Variants in TNRC6B observed in about 807,000 individuals in gnomAD.
TNRC6B encodes the protein trinucleotide repeat-containing gene 6B protein.
A neutral mutation model predicts 203.6 loss-of-function variants in TNRC6B; 52 were observed. The observed-to-expected ratio is 0.26, with a 90% confidence interval of 0.20 to 0.32. The LOEUF is 0.32. Among genes scored for constraint, TNRC6B ranks in the 10% least tolerant of loss-of-function variants. The pLI is 1.00. For missense variants in TNRC6B, 1,923 were observed against 2,286.2 expected, an observed-to-expected ratio of 0.84 and a Z score of 3.24; for synonymous variants, 838 against 845.7, an observed-to-expected ratio of 0.99 and a Z score of 0.16.
intron 4 of TNRC6B, among the ~76,000 whole-genome samples, chr22:40,157,063 T>A (rs1355656059): frequency 6.6e-6 from 1 of 151,982 alleles, no homozygotes; most frequent in Non-Finnish European, 1.5e-5. Context: ...GTGTGAGGCA[T>A]CGTGCCCAGC....
At chr22:40,144,869 A>C (rs750355850) in intron 3 of TNRC6B, among the ~76,000 whole-genome samples, 9 of 152,038 alleles carry the variant, frequency 5.9e-5, no homozygotes, top group Non-Finnish European at 1.0e-4. Flanking sequence ...GGCATGTAGA[A>C]GTTTTCTGGG....
intron 3 of TNRC6B, among the ~76,000 whole-genome samples, chr22:40,251,863 A>G (rs942547622): frequency 6.6e-6 from 1 of 152,244 alleles, no homozygotes. Context: ...GACCCATGGC[A>G]TGCATTGAGT....
Position 40,281,229 on chromosome 22 carries a change from C to T in TNRC6B, c.3522C>T (p.Pro1174=). Residue 1174 remains proline (P), a synonymous_variant, in exon 11 of 23, where the codon CCC becomes CCT. Coordinates refer to ENST00000454349, the MANE Select transcript of TNRC6B (RefSeq NM_001162501.2). ...TGTCTCCCTCTGGTTCCACACTACCCAACGTCAGCCTTGGAGCAATCGGCA... is the reference window on the plus strand; with the variant it reads ...TGTCTCCCTCTGGTTCCACACTACCTAACGTCAGCCTTGGAGCAATCGGCA... ...YKLSPSGSTL[P]NVSLGAIGTG... 6.4e-7 allele frequency: 1 copy of T among 1,551,578 alleles called. No homozygotes were observed.
rs2146560154 is a variant in TNRC6B, at chr22:40,308,590, C to G, written c.4199C>G (p.Thr1400Ser). ...ACCGAGTCTCGCTTTAAACAGTGGACCTCCATGATGGAGGGGCTGCCCTCT... is the reference window on the plus strand; with the variant it reads ...ACCGAGTCTCGCTTTAAACAGTGGAGCTCCATGATGGAGGGGCTGCCCTCT... Reference protein sequence around the residue: ...AGTESRFKQWTSMMEGLPSVA... With the variant: ...AGTESRFKQWSSMMEGLPSVA... The change falls in exon 16 of 23, where the codon ACC becomes AGC. Residue 1400 changes from threonine to serine, a missense_variant. Thr to Ser is a moderately conservative substitution (Grantham distance 58). Transcript: ENST00000454349. The G allele has an allele frequency of 6.2e-7, 1 of 1,613,986 alleles. No individual in the cohort carries two copies. Among genetic ancestry groups the G allele is most frequent in the East Asian group, 2.2e-5 (1 of 44,890 alleles).
At chr22:40,146,083 T>A (rs1193424799) in intron 3 of TNRC6B, among the ~76,000 whole-genome samples, 1 of 152,096 alleles carries the variant, frequency 6.6e-6, no homozygotes, top group Non-Finnish European at 1.5e-5. Context: ...CCTAGGGAAA[T>A]AAATGCTTAG....
intron 1 of TNRC6B, among the ~76,000 whole-genome samples, chr22:40,203,603 A>T (rs761800366): frequency 2.6e-4 from 39 of 151,626 alleles, no homozygotes; most frequent in Non-Finnish European, 4.3e-4. Flanking sequence ...CTTTAGTTAT[A>T]ATAAGCTCTG....
At chr22:40,163,449 CCT>C (rs1317918773) in intron 4 of TNRC6B, among the ~76,000 whole-genome samples, 2 of 88,818 alleles carry the variant, frequency 2.3e-5, no homozygotes, top group East Asian at 6.4e-4. Context: ...AGAATGAGAC[CCT>C]GTCTCAAAAA....
At chr22:40,233,522 T>A (rs1406704761) in intron 1 of TNRC6B, among the ~76,000 whole-genome samples, 4 of 150,512 alleles carry the variant, frequency 2.7e-5, no homozygotes, top group Non-Finnish European at 5.9e-5. Context: ...CTCAGGAGGC[T>A]GAGGCAGGAG....
At chr22:40,060,207 TTTTA>T (rs1302732664) in intron 1 of TNRC6B, among the ~76,000 whole-genome samples, 1 of 150,948 alleles carries the variant, frequency 6.6e-6, no homozygotes, top group African/African-American at 2.4e-5. Flanking sequence ...TGACTTTTTT[TTTTA>T]TTATTTTTAT....
intron 1 of TNRC6B, among the ~76,000 whole-genome samples, chr22:40,207,418 AATATATATATAT>A (rs55644816): frequency 0.28 from 36,233 of 128,576 alleles, 6,744 homozygotes; most frequent in African/African-American, 0.58. Context: ...AAAAAAAAAA[AATATATATATAT>A]ATATATATAT....
At chr22:40,078,816 G>A (rs2068041637) in intron 1 of TNRC6B, among the ~76,000 whole-genome samples, 2 of 151,836 alleles carry the variant, frequency 1.3e-5, no homozygotes, top group South Asian at 4.1e-4. Context: ...GCTCGTGCCT[G>A]TAATCCCAGC....
intron 2 of TNRC6B, among the ~76,000 whole-genome samples, chr22:40,121,620 A>G (rs2068446489): frequency 6.6e-6 from 1 of 152,222 alleles, no homozygotes; most frequent in Non-Finnish European, 1.5e-5. Flanking sequence ...TTTGCTTGCT[A>G]GGCCAGAGCA....
intron 1 of TNRC6B, among the ~76,000 whole-genome samples, chr22:40,228,416 G>A (rs1238196706): frequency 6.6e-6 from 1 of 151,178 alleles, no homozygotes; most frequent in Non-Finnish European, 1.5e-5. Flanking sequence ...GGCAACAAGA[G>A]CAAAATTCCG....
chr22:40,312,129 A>G (rs1312496448), intron 17 of TNRC6B, among the ~76,000 whole-genome samples: 1 of 152,226 alleles, frequency 6.6e-6, no homozygotes, highest in African/African-American at 2.4e-5. Context: ...AAGAGCACTG[A>G]TCTCTAGCCC....
chr22:40,246,534 A>T (rs1045960378), intron 2 of TNRC6B, among the ~76,000 whole-genome samples: 1 of 152,156 alleles, frequency 6.6e-6, no homozygotes, highest in Non-Finnish European at 1.5e-5. Flanking sequence ...TTGTTTACTT[A>T]AAAGTTTTTA....
chr22:40,267,006 C>T lies in TNRC6B; in HGVS notation c.2776C>T (p.Pro926Ser), dbSNP rs2070491502. ...GGPAPREPNL[P>S]TPMTSKSASV... ...CCCAGCACCTCGAGAACCAAACCTG[C>T]CCACCCCAATGACCAGTAAATCGGC... The change falls in exon 5 of 23, where the codon CCC (proline) becomes TCC (serine). Residue 926 changes from proline (P) to serine (S), a missense_variant. Pro to Ser is a moderately conservative substitution (Grantham distance 74). Transcript: ENST00000454349. 1 of 1,607,712 alleles carries T rather than the reference C, an allele frequency of 6.2e-7. No individual in the cohort carries two copies. Among genetic ancestry groups the T allele is most frequent in the Non-Finnish European group, 8.5e-7 (1 of 1,176,804 alleles).
intron 19 of TNRC6B, 94 bp downstream of exon 19, chr22:40,313,091 C>T (rs1236328611): frequency 1.0e-5 from 10 of 992,422 alleles, no homozygotes; most frequent in Non-Finnish European, 1.4e-5. Context: ...ATAAGATATA[C>T]TCTTACAGAA....
At chr22:40,122,504 G>A (rs1428152596) in intron 2 of TNRC6B, among the ~76,000 whole-genome samples, 1 of 152,208 alleles carries the variant, frequency 6.6e-6, no homozygotes. Flanking sequence ...AGAGGAGAAT[G>A]CAGGCTTCCT....
intron 2 of TNRC6B, 27 bp from the exon 3 acceptor site, chr22:40,251,152 A>C: frequency 6.6e-7 from 1 of 1,526,492 alleles, no homozygotes; most frequent in African/African-American, 1.4e-5. Flanking sequence ...AGCAAATCTC[A>C]TTTACTTTTA....
Sources: allele counts gnomAD v4.1 joint callset (sites outside exome capture counted in the v4.1 genomes callset), GRCh38; gene constraint gnomAD v4.1.1; transcripts MANE v1.5; gene names NCBI Gene and HGNC (gene_info 2026-07-23, HGNC 2026-07-21).